ERC2: variants seen among roughly 807,000 people sequenced by gnomAD.
The protein encoded by ERC2 is ERC protein 2.
A neutral mutation model predicts 114.8 loss-of-function variants in ERC2; 42 were observed. The observed-to-expected ratio is 0.37, with a 90% CI of 0.29 to 0.47. The LOEUF is 0.47. Among genes scored for constraint, ERC2 ranks in the 20% least tolerant of loss-of-function variants. The probability of loss-of-function intolerance (pLI) is 0.99; values close to 1 mark genes in which losing one functional copy is unlikely to be tolerated. For missense variants in ERC2, 939 were observed against 1,150.7 expected (o/e 0.82, Z 2.66); for synonymous variants, 454 against 425.5 (o/e 1.07, Z -0.82).
chr3:55,536,960 A>G (rs919871834), intron 17 of ERC2, among the ~76,000 whole-genome samples: 4 of 152,276 alleles, frequency 2.6e-5, no homozygotes, highest in Non-Finnish European at 4.4e-5. Flanking sequence ...CATCAGTCAC[A>G]TTAAAAAATT....
chr3:55,685,275 C>T (rs1286496480), intron 16 of ERC2, among the ~76,000 whole-genome samples: 1 of 152,152 alleles, frequency 6.6e-6, no homozygotes, highest in Non-Finnish European at 1.5e-5. Context: ...GAATGATTTG[C>T]ACAGAGTCTG....
At chr3:55,962,591 A>C (rs555036651) in intron 12 of ERC2, among the ~76,000 whole-genome samples, 42 of 152,338 alleles carry the variant, frequency 2.8e-4, no homozygotes, top group Admixed American at 5.2e-4. Context: ...TGCTCATATT[A>C]CTTACTCTGT....
intron 16 of ERC2, among the ~76,000 whole-genome samples, chr3:55,688,251 T>C (rs2062439765): frequency 6.6e-6 from 1 of 152,108 alleles, no homozygotes; most frequent in Non-Finnish European, 1.5e-5. Context: ...TTGCACCTCC[T>C]CCAGGTTAGA....
intron 17 of ERC2, among the ~76,000 whole-genome samples, chr3:55,512,584 A>T (rs1470082209): frequency 6.6e-6 from 1 of 152,256 alleles, no homozygotes; most frequent in Non-Finnish European, 1.5e-5. Context: ...CCTAAGTAGT[A>T]TTAAAATGCA....
intron 7 of ERC2, among the ~76,000 whole-genome samples, chr3:56,037,685 T>G (rs147652138): frequency 6.6e-6 from 1 of 152,236 alleles, no homozygotes; most frequent in Non-Finnish European, 1.5e-5. Flanking sequence ...AACATTTAAA[T>G]TCAGGAAACC....
In ERC2 at chr3:55,983,651, G is replaced by A. The variant is rs149821185; in HGVS notation, c.2267+2326C>T. On this transcript the variant is annotated intron_variant, in intron 12 of 17. Coordinates refer to ENST00000288221, the MANE Select transcript of ERC2 (RefSeq NM_015576.3). ...CATGGAGTCCACAGCACACAGAAAA[G>A]TCTCAAGAGTTACTGCAGTTTCCAA... is the stretch of plus-strand genomic sequence containing the variant. 7.4e-4 allele frequency among the ~76,000 whole-genome samples: 113 copies of A among 152,316 alleles called. 1 individual carries two copies. The East Asian group carries it at 0.019, about 25-fold the overall frequency.
chr3:56,211,926 T>C (rs532214320), intron 3 of ERC2, among the ~76,000 whole-genome samples: 84 of 152,252 alleles, frequency 5.5e-4, no homozygotes, highest in African/African-American at 1.9e-3. Flanking sequence ...TGGATCCTCA[T>C]CTCTCACCTT....
intron 2 of ERC2, among the ~76,000 whole-genome samples, chr3:56,297,554 A>G (rs192459747): frequency 2.0e-5 from 3 of 152,352 alleles, no homozygotes; most frequent in South Asian, 2.1e-4. Flanking sequence ...CCCATAGGAC[A>G]AACCCCCAGG....
intron 10 of ERC2, among the ~76,000 whole-genome samples, 152 bp from the exon 11 acceptor site, chr3:55,992,402 T>C (rs1469588881): frequency 6.6e-6 from 1 of 152,000 alleles, no homozygotes; most frequent in Non-Finnish European, 1.5e-5. Flanking sequence ...AATAGAAAAA[T>C]CACACATTTC....
At chr3:56,288,965 G>T (rs535883364) in intron 3 of ERC2, among the ~76,000 whole-genome samples, 1 of 152,176 alleles carries the variant, frequency 6.6e-6, no homozygotes, top group Non-Finnish European at 1.5e-5. Flanking sequence ...GCCTTGGGGC[G>T]TGGTGGTTAC....
chr3:55,696,234 A>T (rs2062921429), intron 16 of ERC2, among the ~76,000 whole-genome samples: 1 of 152,244 alleles, frequency 6.6e-6, no homozygotes, highest in Non-Finnish European at 1.5e-5. Flanking sequence ...TGGAAAAGTA[A>T]CAAGGCAAAT....
chr3:55,951,328 T>C (rs770564607), intron 12 of ERC2, among the ~76,000 whole-genome samples: 16 of 152,192 alleles, frequency 1.1e-4, no homozygotes, highest in Admixed American at 3.9e-4. Flanking sequence ...TCAAATACAT[T>C]GTCATCACTT....
chr3:56,026,438 G>C (rs996209360), intron 7 of ERC2, among the ~76,000 whole-genome samples: 4 of 152,118 alleles, frequency 2.6e-5, no homozygotes, highest in African/African-American at 9.7e-5. Context: ...GCTTTAATGA[G>C]ATGACTATTT....
At chr3:55,927,255 T>A (rs555930085) in intron 13 of ERC2, among the ~76,000 whole-genome samples, 1 of 152,192 alleles carries the variant, frequency 6.6e-6, no homozygotes, top group Non-Finnish European at 1.5e-5. Context: ...ATAAAGAGAC[T>A]GATCATGAAA....
chr3:55,880,818 C>CTTGA (rs2149304314), intron 14 of ERC2, among the ~76,000 whole-genome samples: 1 of 151,238 alleles, frequency 6.6e-6, no homozygotes, highest in East Asian at 1.9e-4. Context: ...AAAAGAAATT[C>CTTGA]TTGAATGGAG....
At chr3:56,415,004 C>T (rs959173632) in intron 2 of ERC2, among the ~76,000 whole-genome samples, 2 of 152,216 alleles carry the variant, frequency 1.3e-5, no homozygotes, top group Non-Finnish European at 2.9e-5. Context: ...GCTCACTGGG[C>T]TCAGGGCTAC....
intron 3 of ERC2, among the ~76,000 whole-genome samples, chr3:56,236,895 G>A (rs937051244): frequency 1.3e-5 from 2 of 152,144 alleles, no homozygotes; most frequent in South Asian, 2.1e-4. Context: ...ATAGACATAC[G>A]TAACAAGTGT....
Position 55,917,817 on chromosome 3 carries a change from T to C in ERC2, c.2404-29268A>G, listed in dbSNP as rs183027221. Reference sequence around the variant, plus strand: ...TATATCTCAATAAGGCTGCTACATATTTTTCTAAATGCTTTGTGGATACCA... The same window carrying C: ...TATATCTCAATAAGGCTGCTACATACTTTTCTAAATGCTTTGTGGATACCA... On this transcript the variant is annotated intron_variant, in intron 13 of 17. Coordinates refer to ENST00000288221, the MANE Select transcript of ERC2 (RefSeq NM_015576.3). Among the ~76,000 whole-genome samples the C allele has an allele frequency of 1.7e-4, 26 of 152,290 alleles. 1 individual carries two copies. In the East Asian group the frequency reaches 5.0e-3, roughly 29 times the overall value.
chr3:56,346,499 TCTGAAATCAGAACTA>T (rs1164683878), intron 2 of ERC2, among the ~76,000 whole-genome samples: 1 of 152,150 alleles, frequency 6.6e-6, no homozygotes, highest in Non-Finnish European at 1.5e-5. Flanking sequence ...TTTATGTGGC[TCTGAAATCAGAACTA>T]AAAAGAAACT....
Sources: allele counts gnomAD v4.1 joint callset (sites outside exome capture counted in the v4.1 genomes callset), GRCh38; gene constraint gnomAD v4.1.1; transcripts MANE v1.5; gene names NCBI Gene and HGNC (gene_info 2026-07-23, HGNC 2026-07-21).